Variants in KAZN observed in about 807,000 individuals in gnomAD.
KAZN encodes the protein kazrin.
KAZN carries 40 observed loss-of-function variants against 87.4 expected under a neutral mutation model. The observed-to-expected ratio is 0.46, with a 90% CI of 0.36 to 0.60. The LOEUF is 0.60. Among genes scored for constraint, KAZN ranks in the 20% least tolerant of loss-of-function variants. The probability of loss-of-function intolerance (pLI) is 0.00; values close to 1 mark genes in which losing one functional copy is unlikely to be tolerated. For missense variants in KAZN, 898 were observed against 1,073.9 expected, an observed-to-expected ratio of 0.84 and a Z score of 2.29; for synonymous variants, 466 against 458.3, an observed-to-expected ratio of 1.02 and a Z score of -0.22.
At chr1:14,469,936 A>G (rs2480057) in intron 2 of KAZN, among the ~76,000 whole-genome samples, 145,157 of 152,262 alleles carry the variant, frequency 0.95, 69,296 homozygotes, top group African/African-American at 0.99. Context: ...TATAAAACAC[A>G]AAGAAATAGT....
At chr1:14,907,930 A>T (rs528073962) in intron 1 of KAZN, among the ~76,000 whole-genome samples, 1 of 152,326 alleles carries the variant, frequency 6.6e-6, no homozygotes, top group East Asian at 1.9e-4. Flanking sequence ...CATTAGGGCC[A>T]TGAGTTGGAC....
exon 1 of KAZN, chr1:13,893,226 TG>T (rs1262663067): frequency 6.5e-6 from 1 of 153,694 alleles, no homozygotes; most frequent in Non-Finnish European, 1.4e-5. Context: ...CCGCGGGGCC[TG>T]GGCAGCGCTC....
intron 1 of KAZN, among the ~76,000 whole-genome samples, chr1:14,896,726 G>T (rs1004922587): frequency 4.6e-5 from 7 of 152,164 alleles, no homozygotes; most frequent in Admixed American, 1.3e-4. Flanking sequence ...GAGTGAGAAT[G>T]CTCCACTCCC....
intron 1 of KAZN, among the ~76,000 whole-genome samples, chr1:14,880,612 G>T (rs1462490886): frequency 1.3e-5 from 2 of 152,124 alleles, no homozygotes; most frequent in Non-Finnish European, 2.9e-5. Context: ...GCTCCTGCTG[G>T]GCTGGAAGTT....
rs1025651714 is a variant in KAZN, at chr1:14,184,063, T to C, written c.249+3471T>C. On this transcript the variant is annotated intron_variant, in intron 2 of 16. Transcript: ENST00000636203. The surrounding 1 kb of genome is among the most constrained non-coding windows in gnomAD (Gnocchi z 4.2). Reference sequence around the variant, plus strand: ...CATCTCTAGGGATGAAAGTAAACCCTTCAAAATAAAAATAAACCACACAAC... The same window carrying C: ...CATCTCTAGGGATGAAAGTAAACCCCTCAAAATAAAAATAAACCACACAAC... 7.9e-5 allele frequency among the ~76,000 whole-genome samples: 12 copies of C among 152,188 alleles called. No homozygotes were observed. Among genetic ancestry groups the C allele is most frequent in the African/African-American group, 2.9e-4 (12 of 41,460 alleles).
intron 1 of KAZN, among the ~76,000 whole-genome samples, chr1:14,092,049 T>C (rs960887926): frequency 3.9e-5 from 6 of 151,970 alleles, no homozygotes; most frequent in African/African-American, 1.4e-4. Flanking sequence ...TTAAATGTAG[T>C]GGTTAATTCT....
intron 2 of KAZN, among the ~76,000 whole-genome samples, chr1:14,273,193 A>C (rs1249885215): frequency 6.6e-6 from 1 of 152,130 alleles, no homozygotes; most frequent in Non-Finnish European, 1.5e-5. Flanking sequence ...TTGTTGGATC[A>C]GACCTAACTT....
chr1:14,008,542 G>A (rs1640138641), intron 1 of KAZN, among the ~76,000 whole-genome samples: 1 of 152,138 alleles, frequency 6.6e-6, no homozygotes, highest in African/African-American at 2.4e-5. Context: ...TCGAGTACTG[G>A]GGATACAGCT....
At chr1:14,092,792 A>G (rs1467441490) in intron 1 of KAZN, among the ~76,000 whole-genome samples, 3 of 152,128 alleles carry the variant, frequency 2.0e-5, no homozygotes, top group Admixed American at 6.5e-5. Flanking sequence ...CCAACGCTAC[A>G]ATTTTTTGCA....
chr1:14,972,801 C>T (rs973308048), intron 2 of KAZN, among the ~76,000 whole-genome samples: 3 of 152,104 alleles, frequency 2.0e-5, no homozygotes, highest in Non-Finnish European at 1.5e-5. Flanking sequence ...AGGCGGGAGC[C>T]GCTGTGCCTG....
chr1:14,802,404 C>CA (rs35172215), intron 1 of KAZN, among the ~76,000 whole-genome samples: 30,595 of 135,002 alleles, frequency 0.23, 3,654 homozygotes, highest in Middle Eastern at 0.35. Flanking sequence ...ACTCTTGTCT[C>CA]AAAAAAAAAA....
chr1:13,907,393 G>T (rs1399967216), intron 1 of KAZN, among the ~76,000 whole-genome samples: 2 of 152,112 alleles, frequency 1.3e-5, no homozygotes, highest in East Asian at 3.9e-4. Context: ...CAGTTTAATA[G>T]CAGGAAGTGG....
intron 1 of KAZN, among the ~76,000 whole-genome samples, chr1:14,068,557 T>C (rs1050602218): frequency 4.6e-5 from 7 of 152,258 alleles, no homozygotes; most frequent in Non-Finnish European, 8.8e-5. Context: ...CAGAAAACCA[T>C]TGGCCTAATC....
In KAZN at chr1:14,829,614, C is replaced by T. The variant is rs372918818; in HGVS notation, c.227-131070C>T. On this transcript the variant is annotated intron_variant, in intron 1 of 14. Coordinates refer to ENST00000376030, the MANE Select transcript of KAZN (RefSeq NM_201628.3). ...ACAGTTTGCCAGCTTGTCCCTTGTCCTGTGTGCATGTGTTTATTGGGGTAG... is the reference window on the plus strand; with the variant it reads ...ACAGTTTGCCAGCTTGTCCCTTGTCTTGTGTGCATGTGTTTATTGGGGTAG... 2.9e-4 allele frequency among the ~76,000 whole-genome samples: 44 copies of T among 152,274 alleles called. 1 individual carries two copies. Among genetic ancestry groups the T allele is most frequent in the African/African-American group, 1.0e-3 (42 of 41,552 alleles).
chr1:14,335,111 C>T (rs983040521), intron 2 of KAZN, among the ~76,000 whole-genome samples: 2 of 150,706 alleles, frequency 1.3e-5, no homozygotes, highest in African/African-American at 4.8e-5. Flanking sequence ...TCGGTGCCCC[C>T]CCCCCACCAC....
intron 1 of KAZN, among the ~76,000 whole-genome samples, chr1:14,118,119 A>G (rs1472695078): frequency 6.6e-6 from 1 of 152,216 alleles, no homozygotes; most frequent in Non-Finnish European, 1.5e-5. Flanking sequence ...GGCAGCTCAC[A>G]GGTGACCACA....
chr1:14,173,752 T>G (rs904443624), intron 1 of KAZN, among the ~76,000 whole-genome samples: 2 of 150,548 alleles, frequency 1.3e-5, no homozygotes, highest in Non-Finnish European at 1.5e-5. Flanking sequence ...CTGCATTTGG[T>G]TCACATGTCC....
At position 13,906,638 on chromosome 1, in the gene KAZN, C is replaced by G. The variant is rs575722481; in HGVS notation, c.91+12882C>G. 3.9e-5 allele frequency among the ~76,000 whole-genome samples: 6 copies of G among 152,276 alleles called. No homozygotes were observed. In the East Asian group the frequency reaches 1.2e-3, roughly 29 times the overall value. Reference sequence around the variant, plus strand: ...GCTCTCCTTTGACCTTTAATGTCTTCCATTCTGACAGCCAGAACTGACCTT... The same window carrying G: ...GCTCTCCTTTGACCTTTAATGTCTTGCATTCTGACAGCCAGAACTGACCTT... On this transcript the variant is annotated intron_variant, in intron 1 of 16. Coordinates refer to the KAZN transcript ENST00000636203.
At chr1:13,999,263 G>A (rs536195303) in intron 1 of KAZN, among the ~76,000 whole-genome samples, 306 of 152,188 alleles carry the variant, frequency 2.0e-3, no homozygotes, top group Non-Finnish European at 3.4e-3. Flanking sequence ...CAGTAGAATC[G>A]CATGAATCCA....
Sources: allele counts gnomAD v4.1 joint callset (sites outside exome capture counted in the v4.1 genomes callset), GRCh38; gene constraint gnomAD v4.1.1; non-coding constraint Gnocchi (gnomAD v3.1); transcripts MANE v1.5; gene names NCBI Gene and HGNC (gene_info 2026-07-23, HGNC 2026-07-21).